The following ATP8B4 variants were observed in gnomAD, a reference collection of about 807,000 sequenced individuals.
ATP8B4 encodes the protein ATPase phospholipid transporting 8B4 (putative).
ATP8B4 carries 133 observed loss-of-function variants against 145.6 expected under a neutral mutation model. The observed-to-expected ratio is 0.91, with a 90% CI of 0.79 to 1.05. The LOEUF (loss-of-function observed/expected upper bound fraction) is 1.05. Ranked by LOEUF, ATP8B4 falls within the 50% of genes least tolerant of loss-of-function variation. The pLI is 0.00. For synonymous variants in ATP8B4, 507 were observed against 492.9 expected (o/e 1.03, Z -0.38); for missense variants, 1,458 against 1,425.2 (o/e 1.02, Z -0.37).
upstream of ATP8B4, among the ~76,000 whole-genome samples, chr15:50,121,961 C>T (rs1469466311): frequency 6.6e-6 from 1 of 152,160 alleles, no homozygotes; most frequent in Non-Finnish European, 1.5e-5. Context: ...AATTTACTCA[C>T]TCTTTTACCT....
chr15:49,962,906 C>T (rs888996382), intron 13 of ATP8B4, among the ~76,000 whole-genome samples: 1 of 151,950 alleles, frequency 6.6e-6, no homozygotes, highest in African/African-American at 2.4e-5. Context: ...AGGTTTCATA[C>T]TATTTGCCAG....
intron 3 of ATP8B4, among the ~76,000 whole-genome samples, chr15:50,053,037 A>C (rs2052313584): frequency 6.6e-6 from 1 of 152,256 alleles, no homozygotes; most frequent in Non-Finnish European, 1.5e-5. Flanking sequence ...AGGTCTTTGC[A>C]TTAGTCCAGG....
At chr15:50,169,602 A>G (rs770001648) in intron 1 of ATP8B4, among the ~76,000 whole-genome samples, 9 of 152,246 alleles carry the variant, frequency 5.9e-5, no homozygotes, top group Non-Finnish European at 8.8e-5. Context: ...CAACCCTGGT[A>G]ATATGACAAA....
intron 1 of ATP8B4, among the ~76,000 whole-genome samples, chr15:50,136,827 T>C (rs1343430106): frequency 6.6e-6 from 1 of 152,182 alleles, no homozygotes; most frequent in Non-Finnish European, 1.5e-5. Flanking sequence ...AGTTACCCCG[T>C]CTGTAAGATG....
intron 1 of ATP8B4, among the ~76,000 whole-genome samples, chr15:50,150,804 C>T (rs987524156): frequency 4.6e-5 from 7 of 152,120 alleles, no homozygotes; most frequent in African/African-American, 1.7e-4. Flanking sequence ...AGTAATATGA[C>T]AATTCTAATT....
chr15:50,074,122 C>A lies in ATP8B4; in HGVS notation c.87+5G>T. On this transcript the variant is annotated splice_donor_5th_base_variant and intron_variant, in intron 3 of 27. Transcript: ENST00000284509. Reference sequence around the variant, plus strand: ...GTACGTATGTGTTATGTGTGTTTCACTTACCGCATACTGGAACTTTTCATT... The same window carrying A: ...GTACGTATGTGTTATGTGTGTTTCAATTACCGCATACTGGAACTTTTCATT... 6.2e-7 allele frequency: 1 copy of A among 1,611,504 alleles called. No homozygotes were observed. Among genetic ancestry groups the A allele is most frequent in the South Asian group, 1.1e-5 (1 of 90,962 alleles).
Position 49,898,089 on chromosome 15 carries a change from T to C in ATP8B4, c.2452A>G (p.Asn818Asp). Residue 818 changes from asparagine to aspartate, a missense_variant, in exon 22 of 28, where the codon AAT becomes GAT. Physicochemically the swap from Asn to Asp is conservative, Grantham distance 23. Coordinates refer to ENST00000284509, the MANE Select transcript of ATP8B4 (RefSeq NM_024837.4). ...TTACTTTTAATCATGCTGACATCAT[T>C]GGCTCCATCACCAATGGCCAAAGTA... ...AVTLAIGDGA[N>D]DVSMIKSAHI... The C allele has an allele frequency of 6.2e-7, 1 of 1,613,850 alleles. No individual in the cohort carries two copies. The highest frequency in any genetic ancestry group is 1.1e-5 in the South Asian group (1 of 91,072).
At chr15:49,892,142 T>A (rs186449321) in intron 23 of ATP8B4, among the ~76,000 whole-genome samples, 4 of 151,488 alleles carry the variant, frequency 2.6e-5, no homozygotes, top group Non-Finnish European at 4.4e-5. Context: ...CTTAAAAGTC[T>A]ATAGACTCAG....
chr15:50,120,533 T>C (rs1368758913), upstream of ATP8B4, among the ~76,000 whole-genome samples: 2 of 152,128 alleles, frequency 1.3e-5, no homozygotes, highest in Non-Finnish European at 2.9e-5. Flanking sequence ...TCCTATACTG[T>C]TAGTGGGAAT....
chr15:49,991,699 T>A (rs893369728), intron 9 of ATP8B4, among the ~76,000 whole-genome samples: 18 of 152,164 alleles, frequency 1.2e-4, no homozygotes, highest in Admixed American at 3.3e-4. Context: ...ATAAATGGAT[T>A]TACCTGCCAA....
intron 1 of ATP8B4, among the ~76,000 whole-genome samples, chr15:50,117,402 T>C (rs2057187232): frequency 6.6e-6 from 1 of 152,298 alleles, no homozygotes; most frequent in Non-Finnish European, 1.5e-5. Context: ...AATTTACTTT[T>C]AGATGGTTAG....
At chr15:49,973,585 T>TGG (rs1409202940) in intron 12 of ATP8B4, among the ~76,000 whole-genome samples, 18 of 152,280 alleles carry the variant, frequency 1.2e-4, no homozygotes, top group African/African-American at 3.4e-4. Flanking sequence ...CTCTTCCCAT[T>TGG]TACCATGAAA....
At chr15:49,983,759 T>C (rs1263719028) in intron 10 of ATP8B4, among the ~76,000 whole-genome samples, 1 of 152,228 alleles carries the variant, frequency 6.6e-6, no homozygotes, top group African/African-American at 2.4e-5. Flanking sequence ...CCACAAGGTC[T>C]ACCAGCATGG....
chr15:49,956,528 A>C (rs2043576691), intron 14 of ATP8B4, among the ~76,000 whole-genome samples: 1 of 152,204 alleles, frequency 6.6e-6, no homozygotes, highest in South Asian at 2.1e-4. Flanking sequence ...ATTCAAATAT[A>C]AAGTTAACAA....
intron 3 of ATP8B4, among the ~76,000 whole-genome samples, chr15:50,069,483 T>C (rs1352381179): frequency 6.6e-6 from 1 of 152,212 alleles, no homozygotes; most frequent in Non-Finnish European, 1.5e-5. Flanking sequence ...TCACACAATT[T>C]ATCAGAGCTA....
intron 5 of ATP8B4, among the ~76,000 whole-genome samples, chr15:50,042,570 G>A (rs943475122): frequency 6.6e-6 from 1 of 151,970 alleles, no homozygotes; most frequent in African/African-American, 2.4e-5. Flanking sequence ...AAAGCACTTT[G>A]GTTCTTTTAA....
intron 1 of ATP8B4, among the ~76,000 whole-genome samples, chr15:50,152,795 C>G (rs2044363833): frequency 6.6e-6 from 1 of 152,144 alleles, no homozygotes; most frequent in African/African-American, 2.4e-5. Flanking sequence ...TTAACCCTTT[C>G]AAAGCTCAGT....
chr15:50,038,008 G>A (rs1162825427), intron 6 of ATP8B4, among the ~76,000 whole-genome samples: 2 of 151,822 alleles, frequency 1.3e-5, no homozygotes, highest in Non-Finnish European at 1.5e-5. Flanking sequence ...CATTCTTCAC[G>A]GTATCCAAAT....
chr15:50,116,565 G>A (rs1263401014), intron 1 of ATP8B4, among the ~76,000 whole-genome samples: 1 of 152,170 alleles, frequency 6.6e-6, no homozygotes, highest in Non-Finnish European at 1.5e-5. Context: ...AGGAAGGAGT[G>A]AAGTCAAGGG....
Sources: allele counts gnomAD v4.1 joint callset (sites outside exome capture counted in the v4.1 genomes callset), GRCh38; gene constraint gnomAD v4.1.1; transcripts MANE v1.5; gene names NCBI Gene and HGNC (gene_info 2026-07-23, HGNC 2026-07-21).